ZNF184: variants seen among roughly 807,000 people sequenced by gnomAD.
ZNF184 encodes zinc finger protein 184.
In ZNF184, 16 loss-of-function variants were observed where a neutral mutation model predicts 54.4. The ratio of observed to expected loss-of-function variants is 0.29; its 90% CI spans 0.20 to 0.45. The LOEUF is 0.45. Among genes scored for constraint, ZNF184 ranks in the 20% least tolerant of loss-of-function variants. The pLI is 1.00. For synonymous variants in ZNF184, 254 were observed against 295.3 expected, an observed-to-expected ratio of 0.86 and a Z score of 1.43; for missense variants, 681 against 888.2, an observed-to-expected ratio of 0.77 and a Z score of 2.97.
At chr6:27,434,790 T>C in the ZNF184 span, among the ~76,000 whole-genome samples, 1 of 152,234 alleles carries the variant, frequency 6.6e-6, no homozygotes, top group Admixed American at 6.5e-5. Context: ...GGTTGTATAT[T>C]TTTACATTTA....
intron 2 of ZNF184, among the ~76,000 whole-genome samples, chr6:27,469,418 G>A (rs6939152): frequency 0.65 from 98,581 of 151,520 alleles, 32,340 homozygotes; most frequent in Middle Eastern, 0.76. Flanking sequence ...TGAGGCGGGC[G>A]GATCACAAGG....
chr6:27,423,016 T>G, the ZNF184 span, among the ~76,000 whole-genome samples: 1 of 152,246 alleles, frequency 6.6e-6, no homozygotes, highest in Non-Finnish European at 1.5e-5. Context: ...AGAAATGGCC[T>G]TGAAAAGAGG....
the ZNF184 span, among the ~76,000 whole-genome samples, chr6:27,418,013 T>C: frequency 6.6e-6 from 1 of 152,168 alleles, no homozygotes; most frequent in Admixed American, 6.5e-5. Context: ...ACTGGGTATT[T>C]TTCAGGGCAC....
At chr6:27,422,148 A>AAAAATG in the ZNF184 span, among the ~76,000 whole-genome samples, 2 of 43,456 alleles carry the variant, frequency 4.6e-5, no homozygotes, top group African/African-American at 1.7e-4. Flanking sequence ...CTCAAAAAAA[A>AAAAATG]AAAGAAAGAA....
At chr6:27,457,148 A>G in intron 4 of ZNF184, 135 bp downstream of exon 4, 1 of 1,263,670 alleles carries the variant, frequency 7.9e-7, no homozygotes, top group Non-Finnish European at 1.1e-6. Flanking sequence ...GCTTGCTAGG[A>G]TGGTAGAAAC....
intron 2 of ZNF184, among the ~76,000 whole-genome samples, chr6:27,470,276 GAA>G (rs926127310): frequency 5.0e-5 from 7 of 140,548 alleles, no homozygotes; most frequent in African/African-American, 1.0e-4. Context: ...AAGAAAGAAA[GAA>G]AAAAAAAAAC....
the ZNF184 span, among the ~76,000 whole-genome samples, chr6:27,424,347 C>T: frequency 1.3e-5 from 2 of 152,172 alleles, no homozygotes; most frequent in Non-Finnish European, 2.9e-5. Context: ...ACAAAGCTTC[C>T]ACAGGGTACA....
At chr6:27,410,086 G>C in the ZNF184 span, among the ~76,000 whole-genome samples, 1 of 152,208 alleles carries the variant, frequency 6.6e-6, no homozygotes, top group Non-Finnish European at 1.5e-5. Context: ...TATAGTCTAG[G>C]TGTGTAGTTG....
chr6:27,424,261 T>C, the ZNF184 span, among the ~76,000 whole-genome samples: 11 of 152,346 alleles, frequency 7.2e-5, no homozygotes, highest in South Asian at 2.3e-3. Context: ...ACTTTTGTGA[T>C]GACTTTTACA....
rs1471177100 is a variant in ZNF184, at chr6:27,451,308, TGC to T, written c.2249_2250del (p.Gly750AspfsTer9). 6.9e-6 allele frequency: 11 copies of T among 1,585,906 alleles called. No individual in the cohort carries two copies. Among genetic ancestry groups the T allele is most frequent in the Non-Finnish European group, 2.6e-6 (3 of 1,166,700 alleles). On this transcript the variant is annotated frameshift_variant, in exon 6 of 6. Coordinates refer to ENST00000683788, the MANE Select transcript of ZNF184 (RefSeq NM_001318891.2). LOFTEE classifies it high-confidence loss of function. ...TTATGATGTTCCTAGAATTGTCATA[TGC>T]CAGGATGCAGTCTCTGATGTTTGTT... ...ALNKHQRLHPGI is the reference protein window; with the variant it reads ...ALNKHQRLHPXI
intron 3 of ZNF184, among the ~76,000 whole-genome samples, chr6:27,463,918 A>AG (rs1491409551): frequency 3.7e-5 from 3 of 81,078 alleles, no homozygotes; most frequent in East Asian, 3.0e-4. Flanking sequence ...CGACCAGATT[A>AG]AAAAAAAAAA....
At chr6:27,456,972 A>G (rs553834314) in intron 4 of ZNF184, 51 bp from the exon 5 acceptor site, 34 of 1,498,594 alleles carry the variant, frequency 2.3e-5, no homozygotes, top group South Asian at 2.0e-4. Context: ...GGAAAGTACC[A>G]TATCAGAATT....
At chr6:27,457,611 T>G (rs1328923291) in intron 3 of ZNF184, among the ~76,000 whole-genome samples, 1 of 152,176 alleles carries the variant, frequency 6.6e-6, no homozygotes, top group East Asian at 1.9e-4. Context: ...CCATGTGAAA[T>G]GCTTAATTTA....
At chr6:27,462,749 C>T (rs1378717467) in intron 3 of ZNF184, among the ~76,000 whole-genome samples, 1 of 150,812 alleles carries the variant, frequency 6.6e-6, no homozygotes, top group Non-Finnish European at 1.5e-5. Flanking sequence ...CCTGTAATCC[C>T]AGCTACTCAG....
At position 27,472,458 on chromosome 6, in the gene ZNF184, C is replaced by T; in HGVS notation, c.-139-25G>A. ...CCTAAAAGACACAGGATGGCGTCAG[C>T]AGCATACGTCACACAATCACACATC... On this transcript the variant is annotated intron_variant, in intron 1 of 5. Transcript: ENST00000683788. This position sits in a 1 kb window ranked among gnomAD's most constrained non-coding sequence, Gnocchi z 4.8. 1 of 762,658 alleles carries T rather than the reference C, an allele frequency of 1.3e-6. No homozygotes were observed. The highest frequency in any genetic ancestry group is 2.3e-5 in the Admixed American group (1 of 43,908). 47.2% of individuals were successfully genotyped at this position (762,658 alleles called of 1,614,324 possible). A position where few individuals can be genotyped will look rare whatever the true frequency, so the allele number is the denominator to read the frequency against.
At chr6:27,424,286 T>C in the ZNF184 span, among the ~76,000 whole-genome samples, 4 of 152,224 alleles carry the variant, frequency 2.6e-5, no homozygotes, top group Admixed American at 6.5e-5. Context: ...ACAAAAGTAG[T>C]GTGAGCACAA....
intron 3 of ZNF184, among the ~76,000 whole-genome samples, chr6:27,462,015 TA>T (rs1385290736): frequency 6.6e-6 from 1 of 152,118 alleles, no homozygotes; most frequent in African/African-American, 2.4e-5. Flanking sequence ...AGAAATACAT[TA>T]GCCAAAATGG....
chr6:27,456,737 A>T, intron 5 of ZNF184, 89 bp downstream of exon 5: 1 of 1,117,622 alleles, frequency 8.9e-7, no homozygotes, highest in Non-Finnish European at 1.3e-6. Flanking sequence ...AAGGGAAGAA[A>T]GTACATCTAC....
At chr6:27,414,403 C>A in the ZNF184 span, among the ~76,000 whole-genome samples, 2 of 152,154 alleles carry the variant, frequency 1.3e-5, no homozygotes, top group African/African-American at 2.4e-5. Flanking sequence ...AAGCCAAAGT[C>A]CTTACGGTGA....
Sources: allele counts gnomAD v4.1 joint callset (sites outside exome capture counted in the v4.1 genomes callset), GRCh38; gene constraint gnomAD v4.1.1; non-coding constraint Gnocchi (gnomAD v3.1); transcripts MANE v1.5; gene names NCBI Gene and HGNC (gene_info 2026-07-23, HGNC 2026-07-21).